Variants in NMNAT2 observed in about 807,000 individuals in gnomAD.
The protein encoded by NMNAT2 is nicotinamide nucleotide adenylyltransferase 2.
A neutral mutation model predicts 41.6 loss-of-function variants in NMNAT2; 11 were observed. The observed-to-expected ratio is 0.26, with a 90% CI of 0.17 to 0.44. The LOEUF is 0.44. NMNAT2 is among the 20% of genes least tolerant of loss of function. NMNAT2 has a pLI of 1.00. For synonymous variants in NMNAT2, 148 were observed against 151.2 expected, an observed-to-expected ratio of 0.98 and a Z score of 0.16; for missense variants, 288 against 407.7, an observed-to-expected ratio of 0.71 and a Z score of 2.53.
At chr1:183,405,750 C>T (rs1251471845) in intron 1 of NMNAT2, among the ~76,000 whole-genome samples, 1 of 152,228 alleles carries the variant, frequency 6.6e-6, no homozygotes, top group East Asian at 1.9e-4. Context: ...TTAAAAATAA[C>T]AGCCCTTTCA....
At chr1:183,284,872 G>A in intron 5 of NMNAT2, 82 bp from the exon 6 acceptor site, 1 of 1,163,096 alleles carries the variant, frequency 8.6e-7, no homozygotes, top group Non-Finnish European at 1.3e-6. Context: ...CGGCATTGGG[G>A]CCGCTGTAAA....
At chr1:183,268,289 G>A (rs188354644) in intron 8 of NMNAT2, among the ~76,000 whole-genome samples, 31 of 152,290 alleles carry the variant, frequency 2.0e-4, no homozygotes, top group African/African-American at 7.5e-4. Context: ...TGGATTTAAA[G>A]GGATGCTTTG....
At chr1:183,330,015 C>T (rs753407512) in intron 1 of NMNAT2, among the ~76,000 whole-genome samples, 12 of 152,246 alleles carry the variant, frequency 7.9e-5, no homozygotes, top group African/African-American at 1.2e-4. Context: ...GGATATCGAA[C>T]GGGGAGACAA....
chr1:183,282,072 C>G (rs1310550629), intron 7 of NMNAT2, among the ~76,000 whole-genome samples: 1 of 152,246 alleles, frequency 6.6e-6, no homozygotes, highest in East Asian at 1.9e-4. Context: ...ACCACCTGGA[C>G]CATGCCAGGA....
At chr1:183,327,253 T>C (rs765403332) in intron 1 of NMNAT2, among the ~76,000 whole-genome samples, 6 of 152,084 alleles carry the variant, frequency 3.9e-5, no homozygotes, top group Admixed American at 1.3e-4. Context: ...TGGTCTCTAC[T>C]AAATGTTGGC....
At chr1:183,342,924 A>T (rs1026483726) in intron 1 of NMNAT2, among the ~76,000 whole-genome samples, 1 of 151,074 alleles carries the variant, frequency 6.6e-6, no homozygotes, top group African/African-American at 2.4e-5. Context: ...TATTATTATT[A>T]TTATTTTTGT....
At chr1:183,298,753 A>T (rs1374094110) in intron 1 of NMNAT2, among the ~76,000 whole-genome samples, 1 of 152,218 alleles carries the variant, frequency 6.6e-6, no homozygotes. Context: ...TGGATGGCAT[A>T]GTCTAGTGGT....
chr1:183,305,526 C>T (rs1422412361), intron 1 of NMNAT2, among the ~76,000 whole-genome samples: 3 of 152,084 alleles, frequency 2.0e-5, no homozygotes, highest in Non-Finnish European at 2.9e-5. Context: ...AGGGATAATT[C>T]GAGCTTGAAA....
At chr1:183,270,754 G>A (rs549360984) in intron 8 of NMNAT2, among the ~76,000 whole-genome samples, 63 of 152,292 alleles carry the variant, frequency 4.1e-4, no homozygotes, top group African/African-American at 8.9e-4. Context: ...ATTTGGTATC[G>A]TTTGGTATCA....
chr1:183,274,724 G>C (rs1661079527), intron 8 of NMNAT2, among the ~76,000 whole-genome samples: 1 of 149,986 alleles, frequency 6.7e-6, no homozygotes, highest in Non-Finnish European at 1.5e-5. Context: ...TTGGGCTCAG[G>C]AGTTCGAGAC....
Position 183,341,746 on chromosome 1 carries a change from AAC to A in NMNAT2, c.86-47955_86-47954del, listed in dbSNP as rs1553216801. 5.5e-4 allele frequency among the ~76,000 whole-genome samples: 79 copies of A among 142,652 alleles called. 19 individuals are homozygous for A. The East Asian group carries it at 0.011, about 20-fold the overall frequency. The allele number at this position is 142,652 out of a possible 152,430, so 93.6% of individuals were successfully genotyped here. On this transcript the variant is annotated intron_variant, in intron 1 of 10. Coordinates refer to ENST00000287713, the MANE Select transcript of NMNAT2 (RefSeq NM_015039.4). Reference sequence around the variant, plus strand: ...ACACCAAAAAAAAAAAAAAAAAAAAAACCTGTTTCCTTCACTCCAGGTTACTT... The same window carrying A: ...ACACCAAAAAAAAAAAAAAAAAAAAACTGTTTCCTTCACTCCAGGTTACTT...
intron 1 of NMNAT2, among the ~76,000 whole-genome samples, chr1:183,404,655 C>T (rs1049113358): frequency 2.6e-5 from 4 of 152,066 alleles, no homozygotes; most frequent in Admixed American, 2.0e-4. Context: ...TGGAGGGAAG[C>T]CTTGGAGGCC....
intron 1 of NMNAT2, among the ~76,000 whole-genome samples, chr1:183,322,205 G>C (rs1186303766): frequency 1.3e-5 from 2 of 152,192 alleles, no homozygotes; most frequent in African/African-American, 4.8e-5. Context: ...AGACTGAACA[G>C]ACTTTCCTGA....
At chr1:183,286,968 A>C (rs1442243291) in intron 4 of NMNAT2, among the ~76,000 whole-genome samples, 180 bp from the exon 5 acceptor site, 1 of 152,104 alleles carries the variant, frequency 6.6e-6, no homozygotes, top group South Asian at 2.1e-4. Context: ...GGAGCAGCTC[A>C]GTGGGAGAAG....
chr1:183,290,031 A>G, intron 4 of NMNAT2, 97 bp downstream of exon 4: 2 of 945,152 alleles, frequency 2.1e-6, no homozygotes, highest in Non-Finnish European at 3.2e-6. Context: ...ATAGGCCAGC[A>G]GCACCCTCTC....
chr1:183,269,497 C>G (rs1272277481), intron 8 of NMNAT2, among the ~76,000 whole-genome samples: 1 of 152,234 alleles, frequency 6.6e-6, no homozygotes, highest in Non-Finnish European at 1.5e-5. Flanking sequence ...AGTTTCCCTC[C>G]CAAACAGTGT....
At chr1:183,287,578 A>G (rs1266542726) in intron 4 of NMNAT2, among the ~76,000 whole-genome samples, 1 of 152,254 alleles carries the variant, frequency 6.6e-6, no homozygotes, top group Non-Finnish European at 1.5e-5. Context: ...CTGATAAGGC[A>G]GCATTCCTCA....
intron 1 of NMNAT2, among the ~76,000 whole-genome samples, chr1:183,390,720 A>C (rs918020581): frequency 2.0e-5 from 3 of 152,238 alleles, no homozygotes; most frequent in Non-Finnish European, 4.4e-5. Context: ...GAAAGAAACA[A>C]GTAATTCCTC....
intron 1 of NMNAT2, among the ~76,000 whole-genome samples, chr1:183,382,310 T>G (rs377737317): frequency 6.7e-6 from 1 of 148,958 alleles, no homozygotes; most frequent in African/African-American, 2.5e-5. Flanking sequence ...CACCAGGCCC[T>G]TCCTCCAACA....
Sources: allele counts gnomAD v4.1 joint callset (sites outside exome capture counted in the v4.1 genomes callset), GRCh38; gene constraint gnomAD v4.1.1; transcripts MANE v1.5; gene names NCBI Gene and HGNC (gene_info 2026-07-23, HGNC 2026-07-21).